Variants in LYSMD3 observed in about 807,000 individuals in gnomAD.
The protein encoded by LYSMD3 is LysM domain containing 3, also known as lysM and putative peptidoglycan-binding domain-containing protein 3.
LYSMD3 carries 13 observed loss-of-function variants against 26.1 expected under a neutral mutation model. The ratio of observed to expected loss-of-function variants is 0.50; its 90% CI spans 0.32 to 0.79. The LOEUF (loss-of-function observed/expected upper bound fraction) is 0.79. Ranked by LOEUF, LYSMD3 falls within the 30% of genes least tolerant of loss-of-function variation. The pLI, the probability that LYSMD3 is intolerant of heterozygous loss-of-function variation, is 0.03. For missense variants in LYSMD3, 331 were observed against 362.5 expected (o/e 0.91, Z 0.71); for synonymous variants, 109 against 119.4 (o/e 0.91, Z 0.57).
intron 1 of LYSMD3, among the ~76,000 whole-genome samples, chr5:90,527,217 A>C (rs1165618038): frequency 1.3e-5 from 2 of 152,208 alleles, no homozygotes; most frequent in Non-Finnish European, 2.9e-5. Flanking sequence ...ACAAAGGTTG[A>C]GAATCCCTAA....
rs1221917366 is a variant in LYSMD3 at position 90,518,995 on chromosome 5, T to C, written c.745A>G (p.Ser249Gly). The C allele has an allele frequency of 6.2e-7, 1 of 1,614,108 alleles. No individual in the cohort carries two copies. Among genetic ancestry groups the C allele is most frequent in the South Asian group, 1.1e-5 (1 of 91,076 alleles). Residue 249 changes from serine to glycine, a missense_variant, in exon 3 of 3, where the codon AGT becomes GGT. Transcript: ENST00000315948. ...GAAGAGTCCACTGTTGAATGATGAC[T>C]AACATCCACCTTAGCTAAAATTTCA... ...YYEILAKVDVSHHSTVDSSHL... is the reference protein window; with the variant it reads ...YYEILAKVDVGHHSTVDSSHL...
At chr5:90,524,998 T>C (rs1753183300) in intron 2 of LYSMD3, 37 bp downstream of exon 2, 1 of 1,469,856 alleles carries the variant, frequency 6.8e-7, no homozygotes, top group Non-Finnish European at 9.2e-7. Context: ...AAACAAATAA[T>C]TTCTTCTGAA....
rs748531382 is a variant in LYSMD3 at position 90,519,323 on chromosome 5, G to A, written c.417C>T (p.Ser139=). 6.2e-6 allele frequency: 10 copies of A among 1,613,874 alleles called. No homozygotes were observed. The highest frequency in any genetic ancestry group is 1.6e-4 in the Middle Eastern group (1 of 6,084). Residue 139 remains serine, a synonymous_variant, in exon 3 of 3, where the codon TCC becomes TCT. Coordinates refer to ENST00000315948, the MANE Select transcript of LYSMD3 (RefSeq NM_198273.2). ...TSRHSSVQYS[S]EQQEILPAND... is the part of the protein sequence containing the mutation. Reference sequence around the variant, plus strand: ...TAGCTGGCAAAATTTCCTGTTGTTCGGAAGAGTATTGAACAGATGAATGAC... The same window carrying A: ...TAGCTGGCAAAATTTCCTGTTGTTCAGAAGAGTATTGAACAGATGAATGAC...
At position 90,519,062 on chromosome 5, in the gene LYSMD3, C is replaced by T; in HGVS notation, c.678G>A (p.Leu226=). The stretch of plus-strand genomic sequence containing the variant: ...ACACTGGTGTTATTATACCTACTAT[C>T]AACATTATCACTACAGCTGTCCACC... ...IGWWTAVVIM[L]IVGIITPVFY... is the part of the protein sequence containing the mutation. Residue 226 remains leucine, a synonymous_variant, in exon 3 of 3, where the codon TTG becomes TTA. Coordinates refer to ENST00000315948, the MANE Select transcript of LYSMD3 (RefSeq NM_198273.2). The T allele has an allele frequency of 6.2e-7, 1 of 1,614,026 alleles. No homozygotes were observed. The highest frequency in any genetic ancestry group is 8.5e-7 in the Non-Finnish European group (1 of 1,179,952).
chr5:90,523,074 T>A (rs551352009), intron 2 of LYSMD3, among the ~76,000 whole-genome samples: 4 of 152,300 alleles, frequency 2.6e-5, no homozygotes, highest in Admixed American at 2.6e-4. Context: ...TTCCACCATC[T>A]ACCTTCTATG....
At chr5:90,526,351 A>G (rs1753223103) in intron 1 of LYSMD3, among the ~76,000 whole-genome samples, 1 of 152,226 alleles carries the variant, frequency 6.6e-6, no homozygotes, top group South Asian at 2.1e-4. Context: ...GTTCATTTAT[A>G]CTTTAGAAAA....
At chr5:90,521,994 TTAAC>T (rs1290452921) in intron 2 of LYSMD3, among the ~76,000 whole-genome samples, 3 of 126,124 alleles carry the variant, frequency 2.4e-5, no homozygotes, top group Admixed American at 7.6e-5. Context: ...ACTGCTTATC[TTAAC>T]TAATTCTGTT....
Position 90,519,254 on chromosome 5 carries a change from T to C in LYSMD3, c.486A>G (p.Lys162=), listed in dbSNP as rs1404466214. The C allele has an allele frequency of 6.2e-7, 1 of 1,614,014 alleles. No homozygotes were observed. Among genetic ancestry groups the C allele is most frequent in the Non-Finnish European group, 8.5e-7 (1 of 1,179,990 alleles). ...TTTGTTCTATGTCTCGGTCTACTTC[T>C]TTTAAAAAGCTACCAGCTGAGTCAC... ...AYSDSAGSFL[K]EVDRDIEQIV... The change falls in exon 3 of 3, where the codon AAA becomes AAG. Residue 162 remains lysine (K), a synonymous_variant. Transcript: ENST00000315948.
chr5:90,529,312 C>T, intron 1 of LYSMD3, 136 bp downstream of exon 1: 1 of 435,330 alleles, frequency 2.3e-6, no homozygotes, highest in South Asian at 1.6e-5. Flanking sequence ...GGGGTGTCCG[C>T]CACACGGGCC....
chr5:90,516,150 A>T lies in LYSMD3; in HGVS notation c.*2669T>A, dbSNP rs984701747. ...CCAGGAAAAGAAAAGCTGTAAATAA[A>T]AAGTCCTTTGGAGGAGATAATTTAA... is the stretch of plus-strand genomic sequence containing the variant. On this transcript the variant is annotated 3_prime_UTR_variant, in exon 3 of 3. Coordinates refer to ENST00000315948, the MANE Select transcript of LYSMD3 (RefSeq NM_198273.2). 6.6e-6 allele frequency: 1 copy of T among 152,118 alleles called. No individual in the cohort carries two copies. Among genetic ancestry groups the T allele is most frequent in the Non-Finnish European group, 1.5e-5 (1 of 67,976 alleles). The allele number at this position is 152,118 out of a possible 1,614,324, so 9.4% of individuals were successfully genotyped here.
chr5:90,520,519 T>C (rs999198386), intron 2 of LYSMD3: 3 of 456,236 alleles, frequency 6.6e-6, no homozygotes. Flanking sequence ...TTGGAGCTGC[T>C]TGAGATACAG....
intron 1 of LYSMD3, chr5:90,529,246 C>T (rs531696757): frequency 2.8e-6 from 1 of 363,012 alleles, no homozygotes; most frequent in East Asian, 7.5e-5. Context: ...TCAGTTTCCC[C>T]GACAGTGTGA....
intron 1 of LYSMD3, among the ~76,000 whole-genome samples, chr5:90,526,226 T>C (rs1191518411): frequency 2.0e-5 from 3 of 152,222 alleles, no homozygotes; most frequent in Non-Finnish European, 4.4e-5. Context: ...GGTTATGATT[T>C]TGCTTCCCTG....
rs1024526774 is a variant in LYSMD3, at chr5:90,515,725, C to G, written c.*3094G>C. 7.2e-5 allele frequency: 11 copies of G among 152,146 alleles called. No homozygotes were observed. Among genetic ancestry groups the G allele is most frequent in the Non-Finnish European group, 1.6e-4 (11 of 68,008 alleles). 9.4% of individuals were successfully genotyped at this position (152,146 alleles called of 1,614,324 possible). On this transcript the variant is annotated 3_prime_UTR_variant, in exon 3 of 3. Coordinates refer to ENST00000315948, the MANE Select transcript of LYSMD3 (RefSeq NM_198273.2). ...TTTAAAAACTGGTTTTACAGATACACATGCTAACAATGTTCTACAGTTACA... is the reference window on the plus strand; with the variant it reads ...TTTAAAAACTGGTTTTACAGATACAGATGCTAACAATGTTCTACAGTTACA...
At position 90,518,627 on chromosome 5, in the gene LYSMD3, T is replaced by G; in HGVS notation, c.*192A>C. On this transcript the variant is annotated 3_prime_UTR_variant, in exon 3 of 3. Transcript: ENST00000315948. ...CTGCTTGAAACATTCACACACCAGA[T>G]TTATGGATCAACTGCTCTCAACATC... The G allele has an allele frequency of 2.0e-6, 1 of 490,926 alleles. No individual in the cohort carries two copies. Among genetic ancestry groups the G allele is most frequent in the Non-Finnish European group, 3.6e-6 (1 of 281,172 alleles). The allele number at this position is 490,926 out of a possible 1,614,324, so 30.4% of individuals were successfully genotyped here. A position where few individuals can be genotyped will look rare whatever the true frequency, so the allele number is the denominator to read the frequency against.
chr5:90,527,943 T>C (rs1176452412), intron 1 of LYSMD3, among the ~76,000 whole-genome samples: 5 of 152,244 alleles, frequency 3.3e-5, no homozygotes, highest in Admixed American at 6.5e-5. Context: ...CTAATAGCTA[T>C]ATGTTAAGTA....
chr5:90,521,545 AGT>A lies in LYSMD3; in HGVS notation c.256-2063_256-2062del, dbSNP rs369133656. 2.1e-4 allele frequency among the ~76,000 whole-genome samples: 32 copies of A among 152,136 alleles called. No individual in the cohort carries two copies. The East Asian group carries it at 5.8e-3, about 28-fold the overall frequency. ...CTAAAAGATGAAACAGTAAAGATAA[AGT>A]GTGTTTTATCATCTTACTACCTTCG... is the stretch of plus-strand genomic sequence containing the variant. On this transcript the variant is annotated intron_variant, in intron 2 of 2. Coordinates refer to ENST00000315948, the MANE Select transcript of LYSMD3 (RefSeq NM_198273.2).
At chr5:90,523,644 A>G (rs2151921764) in intron 2 of LYSMD3, among the ~76,000 whole-genome samples, 1 of 152,252 alleles carries the variant, frequency 6.6e-6, no homozygotes, top group East Asian at 1.9e-4. Flanking sequence ...AATTTCAGGT[A>G]GCAAATCCTG....
intron 2 of LYSMD3, among the ~76,000 whole-genome samples, chr5:90,520,938 G>A (rs1199814581): frequency 6.6e-6 from 1 of 151,608 alleles, no homozygotes; most frequent in Non-Finnish European, 1.5e-5. Context: ...AAAAGTAATT[G>A]AAGTCAAAGA....
Sources: allele counts gnomAD v4.1 joint callset (sites outside exome capture counted in the v4.1 genomes callset), GRCh38; gene constraint gnomAD v4.1.1; transcripts MANE v1.5; gene names NCBI Gene and HGNC (gene_info 2026-07-23, HGNC 2026-07-21).